The following TTBK2 variants were observed in gnomAD, a reference collection of about 807,000 sequenced individuals.
The protein encoded by TTBK2 is tau-tubulin kinase 2.
Under a neutral mutation model 110.8 loss-of-function variants are expected in TTBK2, and 28 were observed. The observed-to-expected ratio is 0.25, with a 90% confidence interval of 0.19 to 0.35. TTBK2 has a LOEUF of 0.35. Ranked by LOEUF, TTBK2 falls within the 10% of genes least tolerant of loss-of-function variation. The pLI is 1.00. For synonymous variants in TTBK2, 532 were observed against 527.3 expected, an observed-to-expected ratio of 1.01 and a Z score of -0.12; for missense variants, 1,369 against 1,500.3, an observed-to-expected ratio of 0.91 and a Z score of 1.45.
Position 42,752,782 on chromosome 15 carries a change from G to C in TTBK2, c.2464C>G (p.Pro822Ala). 1.2e-6 allele frequency: 2 copies of C among 1,614,140 alleles called. No individual in the cohort carries two copies. The highest frequency in any genetic ancestry group is 1.7e-6 in the Non-Finnish European group (2 of 1,180,036). ...GTCTGTGTTTTTGTCACATCAAGAG[G>C]TTCAGTAGTAGCTGAGTGATCCTTT... ...VEKDHSATTE[P>A]LDVTKTQTFS... Residue 822 changes from proline (P) to alanine (A), a missense_variant, in exon 14 of 15, where the codon CCT (proline) becomes GCT (alanine). Physicochemically the swap from Pro to Ala is conservative, Grantham distance 27. Around this residue, in one of 4 missense-constraint regions of TTBK2, gnomAD observed 1,097 missense variants for 1,114.7 expected, o/e 0.98. Coordinates refer to ENST00000267890, the MANE Select transcript of TTBK2 (RefSeq NM_173500.4).
intron 6 of TTBK2, among the ~76,000 whole-genome samples, chr15:42,822,383 T>G (rs1309685637): frequency 1.3e-5 from 2 of 152,122 alleles, no homozygotes; most frequent in Non-Finnish European, 2.9e-5. Context: ...TGAAAGTATT[T>G]AACAATCTAT....
chr15:42,805,493 GA>G (rs1891425234), intron 9 of TTBK2, among the ~76,000 whole-genome samples: 1 of 152,184 alleles, frequency 6.6e-6, no homozygotes, highest in Non-Finnish European at 1.5e-5. Flanking sequence ...GGCACACTGG[GA>G]GAAGAGCTGG....
intron 1 of TTBK2, among the ~76,000 whole-genome samples, chr15:42,899,730 T>C (rs2141185971): frequency 6.8e-6 from 1 of 148,076 alleles, no homozygotes; most frequent in African/African-American, 2.5e-5. Context: ...AGAGCAAGAC[T>C]CCATACAAAA....
At chr15:42,839,464 T>G (rs967733321) in intron 4 of TTBK2, among the ~76,000 whole-genome samples, 1 of 152,196 alleles carries the variant, frequency 6.6e-6, no homozygotes, top group African/African-American at 2.4e-5. Context: ...GTATATACCC[T>G]GTAATGGGAT....
intron 3 of TTBK2, among the ~76,000 whole-genome samples, chr15:42,847,243 G>A (rs1567057734): frequency 6.6e-6 from 1 of 152,142 alleles, no homozygotes; most frequent in Non-Finnish European, 1.5e-5. Context: ...CTTCTTTGAA[G>A]TACCTGTAAA....
intron 2 of TTBK2, among the ~76,000 whole-genome samples, chr15:42,875,063 T>C (rs980119740): frequency 6.6e-6 from 1 of 152,058 alleles, no homozygotes; most frequent in South Asian, 2.1e-4. Flanking sequence ...TAAAAACTCA[T>C]AAACAGTACC....
intron 13 of TTBK2, among the ~76,000 whole-genome samples, chr15:42,757,106 A>AATT (rs1007860483): frequency 5.2e-4 from 79 of 151,752 alleles, no homozygotes; most frequent in African/African-American, 1.9e-3. Context: ...ATCATTTTTT[A>AATT]ATTATTATTA....
chr15:42,919,908 C>A (rs1229107887), intron 1 of TTBK2: 2 of 689,276 alleles, frequency 2.9e-6, no homozygotes, highest in African/African-American at 3.9e-5. Context: ...TCAACATCAT[C>A]TCTGCCACAG....
At position 42,920,664 on chromosome 15, in the gene TTBK2, T is replaced by C. The variant is rs1338971423; in HGVS notation, c.-294A>G. 3.2e-5 allele frequency: 5 copies of C among 157,112 alleles called. No homozygotes were observed. In the South Asian group the frequency reaches 5.2e-4, roughly 16 times the overall value. 9.7% of individuals were successfully genotyped at this position (157,112 alleles called of 1,614,324 possible). A position where few individuals can be genotyped will look rare whatever the true frequency, so the allele number is the denominator to read the frequency against. On this transcript the variant is annotated 5_prime_UTR_variant, in exon 1 of 15. Transcript: ENST00000267890. ...CGGCGGCGGCGGCTGCTGCTGCTGT[T>C]ACTGCTGCTGCCGGCTCCCCCAAGC...
intron 8 of TTBK2, 28 bp from the exon 9 acceptor site, chr15:42,810,767 A>C: frequency 6.2e-7 from 1 of 1,612,706 alleles, no homozygotes; most frequent in Non-Finnish European, 8.5e-7. Flanking sequence ...AAAGAGCTAC[A>C]GTCAATTTCT....
Position 42,740,680 on chromosome 15 carries a change from T to A in TTBK2, c.*5115A>T, listed in dbSNP as rs2061744669. On this transcript the variant is annotated 3_prime_UTR_variant, in exon 15 of 15. Transcript: ENST00000267890. ...AAGCGATTCTCCTGCCTCAGCCTCC[T>A]GAGCATCTGGGACTACAGGCGCCCG... 6.6e-6 allele frequency: 1 copy of A among 151,740 alleles called. No individual in the cohort carries two copies. The highest frequency in any genetic ancestry group is 1.5e-5 in the Non-Finnish European group (1 of 68,078). The allele number at this position is 151,740 out of a possible 1,614,324, so 9.4% of individuals were successfully genotyped here.
rs534403999 is a variant in TTBK2, at chr15:42,815,311, G to A, written c.603+1721C>T. Among the ~76,000 whole-genome samples the A allele has an allele frequency of 6.0e-3, 895 of 150,078 alleles. 7 individuals are homozygous for A. Among genetic ancestry groups the A allele is most frequent in the Non-Finnish European group, 9.0e-3 (608 of 67,700 alleles). On this transcript the variant is annotated intron_variant, in intron 7 of 14. Coordinates refer to ENST00000267890, the MANE Select transcript of TTBK2 (RefSeq NM_173500.4). The stretch of plus-strand genomic sequence containing the variant: ...TTTACTATTTTCAATTTATAATCAC[G>A]CCATAAGAAGCCAAATTAACTGCAG...
intron 1 of TTBK2, among the ~76,000 whole-genome samples, chr15:42,888,470 C>A (rs1296644660): frequency 6.6e-6 from 1 of 152,054 alleles, no homozygotes; most frequent in Non-Finnish European, 1.5e-5. Flanking sequence ...CGATGGCAGT[C>A]CAACCAAGCC....
chr15:42,805,550 A>G (rs1307236109), intron 9 of TTBK2, among the ~76,000 whole-genome samples: 1 of 152,194 alleles, frequency 6.6e-6, no homozygotes, highest in African/African-American at 2.4e-5. Context: ...ACTAGATCAC[A>G]TAAGTACAAT....
intron 4 of TTBK2, among the ~76,000 whole-genome samples, chr15:42,832,625 C>T (rs1019830866): frequency 6.6e-6 from 1 of 152,112 alleles, no homozygotes; most frequent in Non-Finnish European, 1.5e-5. Flanking sequence ...CACAGTCAAC[C>T]GTGGTCCGAA....
intron 13 of TTBK2, among the ~76,000 whole-genome samples, chr15:42,762,365 C>G (rs1215378848): frequency 6.6e-6 from 1 of 152,168 alleles, no homozygotes. Flanking sequence ...TCACTGTTCA[C>G]AATAGCCAAG....
Position 42,739,522 on chromosome 15 carries a change from C to G in TTBK2, c.*6273G>C, listed in dbSNP as rs1249032531. ...ACACTGGCTATTTTAGAAAAAGGGT[C>G]AGAAGGTAGACCAGGAACTATGTAT... On this transcript the variant is annotated 3_prime_UTR_variant, in exon 15 of 15. Transcript: ENST00000267890. 1 of 152,102 alleles carries G rather than the reference C, an allele frequency of 6.6e-6. No homozygotes were observed. The highest frequency in any genetic ancestry group is 1.5e-5 in the Non-Finnish European group (1 of 68,034). The allele number at this position is 152,102 out of a possible 1,614,324, so 9.4% of individuals were successfully genotyped here. A position where few individuals can be genotyped will look rare whatever the true frequency, so the allele number is the denominator to read the frequency against.
intron 1 of TTBK2, chr15:42,919,761 C>G: frequency 1.0e-6 from 1 of 984,272 alleles, no homozygotes; most frequent in Non-Finnish European, 1.2e-6. Flanking sequence ...ATTTTTACCT[C>G]TACTGTAGCC....
chr15:42,857,373 A>G (rs112419923), intron 3 of TTBK2: 9,053 of 152,132 alleles, frequency 0.06, 845 homozygotes, highest in African/African-American at 0.2. Context: ...TTAAAAAATT[A>G]GTTGTGCATA....
Sources: allele counts gnomAD v4.1 joint callset (sites outside exome capture counted in the v4.1 genomes callset), GRCh38; gene constraint gnomAD v4.1.1; regional missense constraint gnomAD v4.1.1; transcripts MANE v1.5; gene names NCBI Gene and HGNC (gene_info 2026-07-23, HGNC 2026-07-21).